The following PVT1 variants were observed in gnomAD, a reference collection of about 807,000 sequenced individuals.
PVT1 encodes CXCR4/PVT1 fusion.
chr8:127,926,537 A>G (rs1276520979), intron 3 of PVT1, among the ~76,000 whole-genome samples: 1 of 152,058 alleles, frequency 6.6e-6, no homozygotes, highest in Non-Finnish European at 1.5e-5. Flanking sequence ...CCTTGTTTCC[A>G]TGTGGGGTAA....
intron 2 of PVT1, among the ~76,000 whole-genome samples, chr8:127,799,992 AG>A (rs1482811527): frequency 6.6e-6 from 1 of 152,198 alleles, no homozygotes; most frequent in Non-Finnish European, 1.5e-5. Flanking sequence ...CAGGAATCAA[AG>A]GGCTGTCCCT....
intron 4 of PVT1, chr8:127,989,409 G>T (rs1247830424): frequency 6.6e-6 from 1 of 151,856 alleles, no homozygotes; most frequent in African/African-American, 2.4e-5. Flanking sequence ...TTCCTGTGCC[G>T]CTCCAATGTG....
chr8:127,816,547 C>T (rs559957016), intron 2 of PVT1, among the ~76,000 whole-genome samples: 83 of 145,238 alleles, frequency 5.7e-4, no homozygotes, highest in Non-Finnish European at 8.1e-4. Context: ...GATGGTGTTT[C>T]GCTCTTGTCA....
chr8:128,089,154 A>AGCCAAAAC (rs1814315598), intron 5 of PVT1, among the ~76,000 whole-genome samples: 1 of 152,246 alleles, frequency 6.6e-6, no homozygotes, highest in Non-Finnish European at 1.5e-5. Flanking sequence ...AACTGATCTG[A>AGCCAAAAC]TCAGAGACCT....
intron 4 of PVT1, among the ~76,000 whole-genome samples, chr8:128,008,227 T>C (rs1021985399): frequency 2.0e-5 from 3 of 152,236 alleles, no homozygotes; most frequent in Non-Finnish European, 4.4e-5. Context: ...TTGTAGTTAC[T>C]GTGAAATTTT....
chr8:127,844,456 T>C (rs76859041), intron 2 of PVT1, among the ~76,000 whole-genome samples: 6,645 of 152,244 alleles, frequency 0.044, 522 homozygotes, highest in African/African-American at 0.15. Flanking sequence ...AAACTCAGCT[T>C]GTCTCCACCC....
At chr8:127,835,532 GCAGCAAAC>G (rs1814900037) in intron 2 of PVT1, among the ~76,000 whole-genome samples, 1 of 152,114 alleles carries the variant, frequency 6.6e-6, no homozygotes, top group Admixed American at 6.5e-5. Context: ...GTTGATGGGT[GCAGCAAAC>G]CACCATGGCA....
intron 3 of PVT1, among the ~76,000 whole-genome samples, chr8:127,955,234 G>A (rs1185835063): frequency 6.6e-6 from 1 of 152,224 alleles, no homozygotes; most frequent in Non-Finnish European, 1.5e-5. Context: ...TGTGGACACA[G>A]TGAAAAGACA....
chr8:128,085,155 G>A (rs374792141), intron 5 of PVT1, among the ~76,000 whole-genome samples: 59 of 152,272 alleles, frequency 3.9e-4, no homozygotes, highest in East Asian at 3.5e-3. Flanking sequence ...CTGTCAAGCC[G>A]AAGAGGTCCC....
intron 4 of PVT1, among the ~76,000 whole-genome samples, chr8:127,994,526 G>A (rs1018962691): frequency 2.0e-5 from 3 of 152,182 alleles, no homozygotes; most frequent in African/African-American, 7.2e-5. Context: ...ATTAGTCAGG[G>A]CTTTCCAGAG....
chr8:128,034,906 G>T (rs1406505788), intron 4 of PVT1, among the ~76,000 whole-genome samples: 1 of 152,176 alleles, frequency 6.6e-6, no homozygotes, highest in Non-Finnish European at 1.5e-5. Context: ...TTCCCCATCT[G>T]TAAAATAAAC....
intron 2 of PVT1, among the ~76,000 whole-genome samples, chr8:127,843,969 A>T (rs747851830): frequency 1.3e-5 from 2 of 151,474 alleles, no homozygotes; most frequent in Non-Finnish European, 2.9e-5. Flanking sequence ...TGAATTATTG[A>T]TGCATGTCTA....
intron 3 of PVT1, among the ~76,000 whole-genome samples, chr8:127,923,490 G>A (rs182022041): frequency 3.9e-5 from 6 of 152,326 alleles, no homozygotes; most frequent in East Asian, 1.9e-4. Context: ...CTCAGAAGGC[G>A]TTCCTGGTCT....
chr8:127,835,142 C>A (rs1814895407), intron 2 of PVT1, among the ~76,000 whole-genome samples: 1 of 152,088 alleles, frequency 6.6e-6, no homozygotes, highest in African/African-American at 2.4e-5. Flanking sequence ...AAGACACATG[C>A]ACATATATGT....
chr8:127,862,265 A>G (rs555766435), intron 2 of PVT1, among the ~76,000 whole-genome samples: 5 of 152,112 alleles, frequency 3.3e-5, no homozygotes, highest in Non-Finnish European at 5.9e-5. Flanking sequence ...AAGATTAGCC[A>G]GGCGTGGTGG....
intron 3 of PVT1, among the ~76,000 whole-genome samples, chr8:127,907,437 C>T (rs768985608): frequency 5.9e-5 from 9 of 152,184 alleles, no homozygotes; most frequent in Admixed American, 1.3e-4. Context: ...GGAACTGACA[C>T]GGGCCTGCTA....
chr8:128,008,894 A>G (rs763615575), intron 4 of PVT1: 2 of 518,476 alleles, frequency 3.9e-6, no homozygotes, highest in East Asian at 1.1e-4. Flanking sequence ...TGCTTTTTTC[A>G]TATCAGTGTT....
intron 3 of PVT1, among the ~76,000 whole-genome samples, chr8:127,982,629 G>A (rs1290480504): frequency 1.3e-5 from 2 of 151,604 alleles, no homozygotes; most frequent in Non-Finnish European, 2.9e-5. Context: ...GGGCAACACA[G>A]TGAGACTCTG....
At chr8:128,069,810 G>T (rs1798520118) in intron 4 of PVT1, among the ~76,000 whole-genome samples, 1 of 152,178 alleles carries the variant, frequency 6.6e-6, no homozygotes. Context: ...TGGGTTCTCT[G>T]ACTGTAAATC....
Sources: allele counts gnomAD v4.1 joint callset (sites outside exome capture counted in the v4.1 genomes callset), GRCh38; gene constraint gnomAD v4.1.1; transcripts MANE v1.5; gene names NCBI Gene and HGNC (gene_info 2026-07-23, HGNC 2026-07-21).